The following DCDC1 variants were observed in gnomAD, a reference collection of about 807,000 sequenced individuals.
DCDC1 encodes the protein doublecortin domain containing 1.
DCDC1 carries 200 observed loss-of-function variants against 178.3 expected under a neutral mutation model. The ratio of observed to expected loss-of-function variants is 1.12; its 90% CI spans 1.00 to 1.26. The LOEUF (loss-of-function observed/expected upper bound fraction) is 1.26. DCDC1 is among the 50% of genes most tolerant of loss of function. The pLI is 0.00. For synonymous variants in DCDC1, 690 were observed against 604.8 expected (o/e 1.14, Z -2.07); for missense variants, 1,983 against 1,749.2 (o/e 1.13, Z -2.38).
At chr11:31,351,589 G>A (rs995381901) in intron 1 of DCDC1, among the ~76,000 whole-genome samples, 1 of 152,080 alleles carries the variant, frequency 6.6e-6, no homozygotes, top group Non-Finnish European at 1.5e-5. Context: ...TTCTTTTAAT[G>A]TAAATTTTCC....
At chr11:31,028,350 T>C (rs1289533933) in intron 20 of DCDC1, among the ~76,000 whole-genome samples, 4 of 151,908 alleles carry the variant, frequency 2.6e-5, no homozygotes, top group Non-Finnish European at 4.4e-5. Context: ...TTATCAGTAA[T>C]AGAACAAATG....
intron 1 of DCDC1, among the ~76,000 whole-genome samples, chr11:31,362,623 A>C (rs1441043461): frequency 6.6e-6 from 1 of 152,164 alleles, no homozygotes; most frequent in East Asian, 1.9e-4. Flanking sequence ...TACTTTAACT[A>C]TCTATCACAC....
intron 20 of DCDC1, among the ~76,000 whole-genome samples, chr11:31,020,097 C>T (rs1244353285): frequency 6.6e-6 from 1 of 152,176 alleles, no homozygotes; most frequent in Non-Finnish European, 1.5e-5. Flanking sequence ...GACCAGGTTG[C>T]TGTTGTCTGT....
intron 21 of DCDC1, 111 bp downstream of exon 21, chr11:30,952,334 G>A: frequency 2.1e-6 from 2 of 946,548 alleles, no homozygotes. Flanking sequence ...TTGATATCTT[G>A]CACCTAACAG....
chr11:31,046,128 C>A (rs1954822200), intron 20 of DCDC1, among the ~76,000 whole-genome samples: 1 of 152,134 alleles, frequency 6.6e-6, no homozygotes, highest in Non-Finnish European at 1.5e-5. Context: ...ACGTTGCTTG[C>A]CCCTGGAAAC....
chr11:30,929,507 G>A (rs1402677085), intron 22 of DCDC1, among the ~76,000 whole-genome samples: 1 of 152,046 alleles, frequency 6.6e-6, no homozygotes, highest in African/African-American at 2.4e-5. Context: ...GAAAGTGGTG[G>A]TGGGTGGTTT....
chr11:31,286,471 T>C (rs946494283), intron 7 of DCDC1, among the ~76,000 whole-genome samples: 3 of 151,730 alleles, frequency 2.0e-5, no homozygotes, highest in African/African-American at 7.3e-5. Flanking sequence ...ACAATCGGGA[T>C]AGGAAGAAAA....
chr11:30,930,134 T>C (rs1565089117), intron 22 of DCDC1, among the ~76,000 whole-genome samples: 2 of 152,110 alleles, frequency 1.3e-5, no homozygotes, highest in African/African-American at 4.8e-5. Flanking sequence ...ATGCAAGTAA[T>C]ATATGTCACT....
intron 9 of DCDC1, among the ~76,000 whole-genome samples, chr11:31,203,204 CATT>C (rs1234796033): frequency 6.6e-6 from 1 of 152,076 alleles, no homozygotes; most frequent in African/African-American, 2.4e-5. Context: ...ATGAAATAAA[CATT>C]ATAGTATGCT....
At chr11:31,156,959 A>G (rs915186181) in intron 9 of DCDC1, among the ~76,000 whole-genome samples, 2 of 152,216 alleles carry the variant, frequency 1.3e-5, no homozygotes, top group African/African-American at 4.8e-5. Context: ...AAGAATATCA[A>G]AGGAATGAAA....
chr11:31,094,241 C>T (rs1214649208), intron 15 of DCDC1, 57 bp from the exon 16 acceptor site: 1 of 747,016 alleles, frequency 1.3e-6, no homozygotes, highest in Non-Finnish European at 2.5e-6. Context: ...TTAAACTCCT[C>T]AACACACTTA....
chr11:31,216,132 C>T (rs944684263), intron 9 of DCDC1, among the ~76,000 whole-genome samples: 2 of 152,078 alleles, frequency 1.3e-5, no homozygotes, highest in African/African-American at 2.4e-5. Context: ...AAGGGAGAAT[C>T]CCAGAGAAAC....
chr11:31,029,443 T>C (rs1565199177), intron 20 of DCDC1, among the ~76,000 whole-genome samples: 1 of 152,148 alleles, frequency 6.6e-6, no homozygotes, highest in Non-Finnish European at 1.5e-5. Flanking sequence ...ACAATGGTGA[T>C]GTAAGTAATA....
At chr11:30,947,425 C>A (rs1948117578) in intron 21 of DCDC1, among the ~76,000 whole-genome samples, 1 of 152,074 alleles carries the variant, frequency 6.6e-6, no homozygotes, top group Non-Finnish European at 1.5e-5. Context: ...ACAGTGAACT[C>A]ATTTTTGTCA....
intron 20 of DCDC1, among the ~76,000 whole-genome samples, chr11:30,981,531 T>C (rs928632752): frequency 1.3e-5 from 2 of 152,200 alleles, no homozygotes; most frequent in African/African-American, 4.8e-5. Context: ...CCAATTTATA[T>C]TTAATCTCAA....
chr11:30,991,992 A>G (rs1188523356), intron 20 of DCDC1, among the ~76,000 whole-genome samples: 1 of 152,216 alleles, frequency 6.6e-6, no homozygotes, highest in Admixed American at 6.5e-5. Flanking sequence ...AGTATGTGCC[A>G]TGCACTTCTG....
chr11:31,084,775 GCTTTCTC>G (rs1957373983), intron 17 of DCDC1, among the ~76,000 whole-genome samples: 1 of 151,656 alleles, frequency 6.6e-6, no homozygotes, highest in South Asian at 2.1e-4. Context: ...TCTTGCCCAA[GCTTTCTC>G]CTCTATAGGT....
intron 9 of DCDC1, among the ~76,000 whole-genome samples, chr11:31,146,153 A>G (rs754026882): frequency 6.6e-6 from 1 of 151,346 alleles, no homozygotes; most frequent in African/African-American, 2.4e-5. Context: ...GCTCACTGCA[A>G]CCTCCGCCTC....
intron 20 of DCDC1, among the ~76,000 whole-genome samples, chr11:31,001,880 A>C (rs1223869949): frequency 3.9e-5 from 6 of 152,238 alleles, no homozygotes. Context: ...ATATTAAAGA[A>C]TCAGCAACAG....
Sources: gnomAD v4.1 joint callset for allele counts (sites outside exome capture counted in the v4.1 genomes callset) on GRCh38, gnomAD v4.1.1 for gene constraint, MANE v1.5 for transcripts, NCBI Gene and HGNC (gene_info 2026-07-23, HGNC 2026-07-21) for gene names.